Variants in MAST4 observed in about 807,000 individuals in gnomAD.
The protein encoded by MAST4 is microtubule-associated serine/threonine-protein kinase 4.
MAST4 carries 89 observed loss-of-function variants against 162.7 expected under a neutral mutation model. The ratio of observed to expected loss-of-function variants is 0.55; its 90% CI spans 0.46 to 0.65. The LOEUF is 0.65. Among genes scored for constraint, MAST4 ranks in the 30% least tolerant of loss-of-function variants. The pLI, the probability that MAST4 is intolerant of heterozygous loss-of-function variation, is 0.00. For missense variants in MAST4, 3,153 were observed against 3,374.0 expected (o/e 0.93, Z 1.62); for synonymous variants, 1,479 against 1,361.1 (o/e 1.09, Z -1.91).
intron 3 of MAST4, 137 bp downstream of exon 3, chr5:66,788,931 T>G: frequency 6.8e-6 from 8 of 1,172,290 alleles, no homozygotes; most frequent in African/African-American, 1.6e-5. Context: ...GTGGAATTCC[T>G]TGCTTTCAAT....
chr5:66,616,610 T>A (rs532328967), intron 1 of MAST4, among the ~76,000 whole-genome samples: 1 of 152,250 alleles, frequency 6.6e-6, no homozygotes, highest in South Asian at 2.1e-4. Context: ...GGGCTTCTCT[T>A]CTGGACTGAC....
chr5:66,984,166 G>A (rs991543671), intron 4 of MAST4, among the ~76,000 whole-genome samples: 1 of 152,192 alleles, frequency 6.6e-6, no homozygotes, highest in African/African-American at 2.4e-5. Flanking sequence ...TGACAAGTGA[G>A]CTGCAGAGAA....
At chr5:66,893,305 A>G (rs1457519567) in intron 3 of MAST4, among the ~76,000 whole-genome samples, 1 of 152,066 alleles carries the variant, frequency 6.6e-6, no homozygotes, top group Non-Finnish European at 1.5e-5. Flanking sequence ...TTCTGGGTTC[A>G]AGCGATTCTC....
rs547331750 is a variant in MAST4, at chr5:66,731,233, G to A, written c.364-28476G>A. Among the ~76,000 whole-genome samples the A allele has an allele frequency of 2.7e-5, 4 of 149,112 alleles. No individual in the cohort carries two copies. The East Asian group carries it at 7.7e-4, about 29-fold the overall frequency. ...ATGCTTTATGATAAAGTAGCATTGGGTGCAGCTTAGCAATATCCAAAGATC... is the reference window on the plus strand; with the variant it reads ...ATGCTTTATGATAAAGTAGCATTGGATGCAGCTTAGCAATATCCAAAGATC... On this transcript the variant is annotated intron_variant, in intron 1 of 28. Transcript: ENST00000403625.
intron 2 of MAST4, among the ~76,000 whole-genome samples, chr5:66,776,138 T>C (rs756135113): frequency 6.6e-6 from 1 of 152,242 alleles, no homozygotes; most frequent in African/African-American, 2.4e-5. Context: ...TGGAAGTTTC[T>C]GCATAGGTTG....
At chr5:66,686,510 T>C (rs1325966566) in intron 1 of MAST4, among the ~76,000 whole-genome samples, 4 of 152,198 alleles carry the variant, frequency 2.6e-5, no homozygotes, top group African/African-American at 9.6e-5. Context: ...TGAAGAATTG[T>C]TCCTTAACAT....
chr5:66,870,555 C>T (rs2149871032), intron 3 of MAST4, among the ~76,000 whole-genome samples: 1 of 152,250 alleles, frequency 6.6e-6, no homozygotes, highest in Middle Eastern at 3.4e-3. Context: ...TTATTACACA[C>T]TTGCACATAC....
chr5:66,932,119 T>C (rs1285181861), intron 4 of MAST4, among the ~76,000 whole-genome samples: 1 of 152,212 alleles, frequency 6.6e-6, no homozygotes, highest in East Asian at 1.9e-4. Context: ...TTTGTCAAAC[T>C]GCAATTTGAA....
chr5:66,886,460 C>G (rs966709782), intron 3 of MAST4, among the ~76,000 whole-genome samples: 4 of 152,056 alleles, frequency 2.6e-5, no homozygotes, highest in African/African-American at 9.6e-5. Context: ...TTGTGTTGTT[C>G]AAAGTTCCTT....
chr5:66,680,130 T>C (rs183717378), intron 1 of MAST4, among the ~76,000 whole-genome samples: 1 of 152,144 alleles, frequency 6.6e-6, no homozygotes, highest in Non-Finnish European at 1.5e-5. Flanking sequence ...AAGATGCACT[T>C]AGACTGGAGG....
rs190161963 is a variant in MAST4, at chr5:66,956,227, C to T, written c.674+56245C>T. ...TTTCGTATCTAGCTTTTGCTGATCA[C>T]GTCTCTGTGATATTGTTTAACACAT... is the stretch of plus-strand genomic sequence containing the variant. On this transcript the variant is annotated intron_variant, in intron 4 of 28. Coordinates refer to ENST00000403625, the MANE Select transcript of MAST4 (RefSeq NM_001164664.2). 5.9e-5 allele frequency among the ~76,000 whole-genome samples: 9 copies of T among 152,194 alleles called. No homozygotes were observed. In the East Asian group the frequency reaches 1.2e-3, roughly 20 times the overall value.
intron 2 of MAST4, 63 bp from the exon 3 acceptor site, chr5:66,788,607 C>CCCAGCAAAAAAAAAAAA: frequency 5.8e-6 from 8 of 1,373,712 alleles, no homozygotes; most frequent in African/African-American, 1.5e-5. Flanking sequence ...CCCCCACCCC[C>CCCAGCAAAAAAAAAAAA]ATTGCAATAA....
intron 1 of MAST4, among the ~76,000 whole-genome samples, chr5:66,705,587 A>G (rs1750078259): frequency 6.6e-6 from 1 of 152,258 alleles, no homozygotes; most frequent in African/African-American, 2.4e-5. Flanking sequence ...TGAAATGAAA[A>G]CCTAGTTGAC....
At chr5:66,698,226 C>T (rs1004236101) in intron 1 of MAST4, among the ~76,000 whole-genome samples, 4 of 152,022 alleles carry the variant, frequency 2.6e-5, no homozygotes, top group Non-Finnish European at 4.4e-5. Flanking sequence ...TCTTAGTTCC[C>T]GCAGCTGAGT....
chr5:67,129,735 AG>A (rs1338603828), intron 14 of MAST4, among the ~76,000 whole-genome samples: 8 of 1,158 alleles, frequency 6.9e-3, no homozygotes, highest in African/African-American at 0.03. Flanking sequence ...AAAAAAAAAA[AG>A]AAAAAGGAAA....
intron 4 of MAST4, among the ~76,000 whole-genome samples, chr5:66,951,598 ATGTGTGTGTGTG>A (rs59043309): frequency 3.2e-3 from 387 of 122,412 alleles, no homozygotes; most frequent in African/African-American, 7.7e-3. Flanking sequence ...CTCCCATGAT[ATGTGTGTGTGTG>A]TGTGTGTGTG....
At chr5:66,705,845 G>T (rs1176023531) in intron 1 of MAST4, among the ~76,000 whole-genome samples, 1 of 152,092 alleles carries the variant, frequency 6.6e-6, no homozygotes, top group African/African-American at 2.4e-5. Context: ...TATATGTTAG[G>T]CAGTGTTTGA....
chr5:67,009,845 T>C (rs1752467251), intron 4 of MAST4, among the ~76,000 whole-genome samples: 1 of 152,110 alleles, frequency 6.6e-6, no homozygotes. Flanking sequence ...GGGTAGTCTG[T>C]TTAAAAGATT....
chr5:66,718,249 T>G (rs1750974472), intron 1 of MAST4, among the ~76,000 whole-genome samples: 1 of 151,768 alleles, frequency 6.6e-6, no homozygotes, highest in Non-Finnish European at 1.5e-5. Flanking sequence ...TGAAGGTTTT[T>G]TTTGTTTGTT....
Sources: gnomAD v4.1 joint callset for allele counts (sites outside exome capture counted in the v4.1 genomes callset) on GRCh38, gnomAD v4.1.1 for gene constraint, MANE v1.5 for transcripts, NCBI Gene and HGNC (gene_info 2026-07-23, HGNC 2026-07-21) for gene names.